The following DVL1 variants were observed in gnomAD, a reference collection of about 807,000 sequenced individuals.
DVL1 encodes segment polarity protein dishevelled homolog DVL-1.
Under a neutral mutation model 65.0 loss-of-function variants are expected in DVL1, and 49 were observed. That is an observed-to-expected ratio of 0.75 (90% CI 0.60 to 0.96). DVL1 has a LOEUF of 0.96. Among genes scored for constraint, DVL1 ranks in the 40% least tolerant of loss-of-function variants. The pLI, the probability that DVL1 is intolerant of heterozygous loss-of-function variation, is 0.00. For synonymous variants in DVL1, 608 were observed against 433.9 expected, an observed-to-expected ratio of 1.40 and a Z score of -4.99; for missense variants, 1,197 against 1,045.4, an observed-to-expected ratio of 1.15 and a Z score of -2.00.
Position 1,340,328 on chromosome 1 carries a change from A to AG in DVL1, c.700-13dup, listed in dbSNP as rs774380920. 2.1e-5 allele frequency: 34 copies of AG among 1,613,656 alleles called. No individual in the cohort carries two copies. In the East Asian group the frequency reaches 7.1e-4, roughly 34 times the overall value. On this transcript the variant is annotated splice_polypyrimidine_tract_variant and intron_variant, in intron 6 of 14. Coordinates refer to ENST00000378888, the MANE Select transcript of DVL1 (RefSeq NM_001330311.2). ...CTGAAGGAGGAGGCCTATGGAGGAGAGGGGGCGTGTGTAAAAGGCACGGGG... is the reference window on the plus strand; with the variant it reads ...CTGAAGGAGGAGGCCTATGGAGGAGAGGGGGGCGTGTGTAAAAGGCACGGGG...
At chr1:1,344,363 G>A (rs1468382105) in intron 1 of DVL1, among the ~76,000 whole-genome samples, 3 of 152,114 alleles carry the variant, frequency 2.0e-5, no homozygotes, top group South Asian at 2.1e-4. Context: ...CCCTGACCCC[G>A]GGGCACCTTG....
At position 1,346,922 on chromosome 1, in the gene DVL1, A is replaced by G. The variant is rs985210836; in HGVS notation, c.170+1974T>C. Among the ~76,000 whole-genome samples the G allele has an allele frequency of 3.9e-5, 6 of 152,214 alleles. No individual in the cohort carries two copies. The East Asian group carries it at 1.2e-3, about 29-fold the overall frequency. On this transcript the variant is annotated intron_variant, in intron 1 of 14. Transcript: ENST00000378888. Reference sequence around the variant, plus strand: ...CTAGTTCAGCAGTCGCTTAAGCTAAAGTATTACTGACCAACCAGCCCCTCC... The same window carrying G: ...CTAGTTCAGCAGTCGCTTAAGCTAAGGTATTACTGACCAACCAGCCCCTCC...
rs764979748 is a variant in DVL1 at position 1,348,907 on chromosome 1, G to A, written c.159C>T (p.Asp53=). 13 of 1,564,106 alleles carry A rather than the reference G, an allele frequency of 8.3e-6. No individual in the cohort carries two copies. In the Middle Eastern group the frequency reaches 5.2e-4, roughly 63 times the overall value. The change falls in exon 1 of 15, where the codon GAC becomes GAT. Residue 53 remains aspartate, a synonymous_variant. Transcript: ENST00000378888. ...HAYKFFFKSM[D]QDFGVVKEEI... is the part of the protein sequence containing the mutation. ...CGCGGCCGACTGACCCGAAGTCCTG[G>A]TCCATGGACTTAAAGAAGAATTTGT...
chr1:1,338,229 T>TTGCCCCCCC, intron 13 of DVL1, 40 bp downstream of exon 13: 25 of 1,522,254 alleles, frequency 1.6e-5, no homozygotes, highest in Non-Finnish European at 2.2e-5. Flanking sequence ...CCTCCGGCGT[T>TTGCCCCCCC]CCCCTCCCCC....
chr1:1,338,229 T>TTGGCCGCC, intron 13 of DVL1, 40 bp downstream of exon 13: 5 of 1,522,350 alleles, frequency 3.3e-6, no homozygotes, highest in Non-Finnish European at 3.6e-6. Flanking sequence ...CCTCCGGCGT[T>TTGGCCGCC]CCCCTCCCCC....
rs991294370 is a variant in DVL1 at position 1,343,323 on chromosome 1, G to C, written c.171-565C>G. 1.0e-4 allele frequency among the ~76,000 whole-genome samples: 15 copies of C among 150,332 alleles called. No individual in the cohort carries two copies. In the Middle Eastern group the frequency reaches 0.024, roughly 240 times the overall value. On this transcript the variant is annotated intron_variant, in intron 1 of 14. Transcript: ENST00000378888. ...GGGCCAGGCCCCAGCCTCCTCAGCA[G>C]CAGCAGCTGCACCTACCGGGCCCCA...
At position 1,338,140 on chromosome 1, in the gene DVL1, C is replaced by G. The variant is rs751295575; in HGVS notation, c.1551G>C (p.Ser517=). 1 of 1,609,166 alleles carries G rather than the reference C, an allele frequency of 6.2e-7. No individual in the cohort carries two copies. The highest frequency in any genetic ancestry group is 8.5e-7 in the Non-Finnish European group (1 of 1,178,386). Residue 517 remains serine, a synonymous_variant, in exon 14 of 15, where the codon TCG becomes TCC. Transcript: ENST00000378888. ...GCAGCGGGGCCAGCGTGTCCTGATC[C>G]GAAGTCCCACTGGAGCCACTGTTGA... ...LNLNSGSSGT[S]DQDTLAPLPH... is the part of the protein sequence containing the mutation.
At position 1,339,414 on chromosome 1, in the gene DVL1, G is replaced by A. The variant is rs112772235; in HGVS notation, c.1080C>T (p.Pro360=). The stretch of plus-strand genomic sequence containing the variant: ...CCGCCGTGTGGGACAGCCAGGCGGC[G>A]GGGTCGATGGGCCGCACCGGGTCAG... ...PRADPVRPID[P]AAWLSHTAAL... Residue 360 remains proline (P), a synonymous_variant, in exon 11 of 15, where the codon CCC becomes CCT. Transcript: ENST00000378888. 281 of 1,548,954 alleles carry A rather than the reference G, an allele frequency of 1.8e-4. 3 individuals carry two copies. The African/African-American group carries it at 3.0e-3, about 17-fold the overall frequency.
rs148942048 is a variant in DVL1 at position 1,340,502 on chromosome 1, G to A, written c.607C>T (p.Leu203Phe). Reference protein sequence around the residue: ...DSDEDGSTSRLSSSTEQSTSS... With the variant: ...DSDEDGSTSRFSSSTEQSTSS... ...GTGCTCTGCTCCGTGGAGCTGCTGA[G>A]CCTGGGAACAGACTGTCAGAGCTCA... The change falls in exon 6 of 15, where the codon CTC (leucine) becomes TTC (phenylalanine). Residue 203 changes from leucine (L) to phenylalanine (F), a missense_variant and splice_region_variant. Leu to Phe is a conservative substitution (Grantham distance 22). Coordinates refer to ENST00000378888, the MANE Select transcript of DVL1 (RefSeq NM_001330311.2). The A allele has an allele frequency of 1.3e-4, 204 of 1,601,382 alleles. No individual in the cohort carries two copies. In the African/African-American group the frequency reaches 2.6e-3, roughly 20 times the overall value.
At chr1:1,340,811 GCACACACCTGCA>G (rs200862897) in intron 5 of DVL1, among the ~76,000 whole-genome samples, 10,185 of 140,938 alleles carry the variant, frequency 0.072, 857 homozygotes, top group African/African-American at 0.22. Context: ...AGGCACACAT[GCACACACCTGCA>G]CACACACCTG....
rs767005397 is a variant in DVL1 at position 1,340,126 on chromosome 1, C to T, written c.821G>A (p.Gly274Glu). ...GGAGCCAATGTAGATGCCGCCGTCT[C>T]CACGGTCGTTGCTCTGCCCCACGAT... Reference protein sequence around the residue: ...ISIVGQSNDRGDGGIYIGSIM... With the variant: ...ISIVGQSNDREDGGIYIGSIM... The change falls in exon 8 of 15, where the codon GGA (glycine) becomes GAA (glutamate). Residue 274 changes from glycine (G) to glutamate (E), a missense_variant. By Grantham distance (98) the Gly-to-Glu change is moderately conservative. Coordinates refer to ENST00000378888, the MANE Select transcript of DVL1 (RefSeq NM_001330311.2). The T allele has an allele frequency of 2.5e-6, 4 of 1,613,718 alleles. No individual in the cohort carries two copies. The highest frequency in any genetic ancestry group is 3.4e-6 in the Non-Finnish European group (4 of 1,180,006).
rs187013089 is a variant in DVL1 at position 1,345,594 on chromosome 1, C to A, written c.171-2836G>T. On this transcript the variant is annotated intron_variant, in intron 1 of 14. Transcript: ENST00000378888. ...CCCACCTTGGGATTCCCTGTGAGGC[C>A]TGGCTAACCTGTGTGCTGCCCCCAC... Among the ~76,000 whole-genome samples, 534 of 152,270 alleles carry A rather than the reference C, an allele frequency of 3.5e-3. 4 individuals are homozygous for A. Among genetic ancestry groups the A allele is most frequent in the African/African-American group, 0.012 (502 of 41,554 alleles).
chr1:1,339,450 G>A lies in DVL1; in HGVS notation c.1055-11C>T, dbSNP rs765847023. On this transcript the variant is annotated splice_polypyrimidine_tract_variant and intron_variant, in intron 10 of 14. Coordinates refer to ENST00000378888, the MANE Select transcript of DVL1 (RefSeq NM_001330311.2). Reference sequence around the variant, plus strand: ...GCCGCACCGGGTCAGCTGGGTGGCCGCCACGTGGCGATGACAGGCGGACAG... The same window carrying A: ...GCCGCACCGGGTCAGCTGGGTGGCCACCACGTGGCGATGACAGGCGGACAG... 25 of 1,533,604 alleles carry A rather than the reference G, an allele frequency of 1.6e-5. No homozygotes were observed. The highest frequency in any genetic ancestry group is 2.4e-5 in the South Asian group (2 of 83,720). 95.0% of individuals were successfully genotyped at this position (1,533,604 alleles called of 1,614,324 possible).
chr1:1,336,070 C>A lies in DVL1; in HGVS notation c.*72G>T. 6.6e-7 allele frequency: 1 copy of A among 1,522,698 alleles called. No individual in the cohort carries two copies. The highest frequency in any genetic ancestry group is 8.8e-7 in the Non-Finnish European group (1 of 1,138,456). The allele number at this position is 1,522,698 out of a possible 1,614,324, so 94.3% of individuals were successfully genotyped here. ...CCGTCCTGGCCCCCACGAAGGCAAG[C>A]CCACGCGAGCTCTGCATGCGGCAGG... On this transcript the variant is annotated 3_prime_UTR_variant, in exon 15 of 15. Coordinates refer to ENST00000378888, the MANE Select transcript of DVL1 (RefSeq NM_001330311.2).
Position 1,338,290 on chromosome 1 carries a change from CG to C in DVL1, c.1485del (p.Tyr495Ter). The C allele has an allele frequency of 1.3e-6, 2 of 1,596,362 alleles. No homozygotes were observed. Among genetic ancestry groups the C allele is most frequent in the Non-Finnish European group, 1.7e-6 (2 of 1,171,000 alleles). ...TCACTGCTGCAGAGATCCCCGAAGA[CG>C]TAGTAGCACTGCTCGGAGAAGGTGA... ...NKITFSEQCYYVFGDLCSNLA... is the reference protein window; with the variant it reads ...NKITFSEQCYXVFGDLCSNLA... On this transcript the variant is annotated frameshift_variant, in exon 13 of 15. Transcript: ENST00000378888. LOFTEE classifies it high-confidence loss of function.
intron 1 of DVL1, among the ~76,000 whole-genome samples, chr1:1,348,104 G>A (rs537929907): frequency 1.1e-4 from 17 of 152,330 alleles, no homozygotes; most frequent in Admixed American, 1.0e-3. Context: ...GCTGGGACTA[G>A]GGACTCAGGT....
At chr1:1,341,485 C>A (rs866297511) in intron 5 of DVL1, among the ~76,000 whole-genome samples, 182 bp downstream of exon 5, 6 of 151,956 alleles carry the variant, frequency 3.9e-5, no homozygotes, top group Non-Finnish European at 7.4e-5. Context: ...GTGAAAACAC[C>A]TCATGTGGAA....
In DVL1 at chr1:1,342,062, G is replaced by A. The variant is rs143905285; in HGVS notation, c.457C>T (p.Arg153Cys). ...GACATGACCACTGTACCCTCCTCGCGGTTCCGGCGTCGGGCACGCTCCCGC... is the reference window on the plus strand; with the variant it reads ...GACATGACCACTGTACCCTCCTCGCAGTTCCGGCGTCGGGCACGCTCCCGC... ...HRRERARRRN[R>C]EEAARTNGHP... The change falls in exon 4 of 15, where the codon CGC becomes TGC. Residue 153 changes from arginine (R) to cysteine (C), a missense_variant. Physicochemically the swap from Arg to Cys is radical, Grantham distance 180. Coordinates refer to ENST00000378888, the MANE Select transcript of DVL1 (RefSeq NM_001330311.2). 282 of 1,580,794 alleles carry A rather than the reference G, an allele frequency of 1.8e-4. 1 individual carries two copies. Among genetic ancestry groups the A allele is most frequent in the Non-Finnish European group, 2.3e-4 (267 of 1,163,876 alleles).
At position 1,340,236 on chromosome 1, in the gene DVL1, C is replaced by T. The variant is rs746485258; in HGVS notation, c.769+11G>A. 1.1e-5 allele frequency: 18 copies of T among 1,613,926 alleles called. No homozygotes were observed. Among genetic ancestry groups the T allele is most frequent in the South Asian group, 1.1e-4 (10 of 91,092 alleles). ...CTGCCCCTGCCCCCAACCCTCGCCCCGAGGCCTCACCCATGTTGAGCGTGA... is the reference window on the plus strand; with the variant it reads ...CTGCCCCTGCCCCCAACCCTCGCCCTGAGGCCTCACCCATGTTGAGCGTGA... On this transcript the variant is annotated intron_variant, in intron 7 of 14. Transcript: ENST00000378888.
Sources: gnomAD v4.1 joint callset for allele counts (sites outside exome capture counted in the v4.1 genomes callset) on GRCh38, gnomAD v4.1.1 for gene constraint, MANE v1.5 for transcripts, NCBI Gene and HGNC (gene_info 2026-07-23, HGNC 2026-07-21) for gene names.